Variants in BCAP31 observed in about 807,000 individuals in gnomAD.
BCAP31 encodes the protein B cell receptor associated protein 31.
For synonymous variants in BCAP31, 75 were observed against 80.9 expected (o/e 0.93, Z 0.39); for missense variants, 124 against 193.0 (o/e 0.64, Z 2.12).
At position 153,715,680 on chromosome X, in the gene BCAP31, C is replaced by T; in HGVS notation, c.203G>A (p.Arg68His). The change falls in exon 4 of 8, where the codon CGC becomes CAC. Residue 68 changes from arginine to histidine, a missense_variant. Physicochemically the swap from Arg to His is conservative, Grantham distance 29. Transcript: ENST00000345046. ...ILVLLVIDAVREIRKYDDVTE... is the reference protein window; with the variant it reads ...ILVLLVIDAVHEIRKYDDVTE... ...CACATCATCATACTTCCGAATTTCG[C>T]GCACGGCATCTGTGGTGGAGCAGAG... The T allele has an allele frequency of 8.3e-7, 1 of 1,211,459 alleles. No individual in the cohort carries two copies. The highest frequency in any genetic ancestry group is 1.1e-6 in the Non-Finnish European group (1 of 895,275).
chrX:153,704,053 G>A lies in BCAP31; in HGVS notation c.383C>T (p.Thr128Met), dbSNP rs111450526. ...AAAGGCTTCATTGGAGGCCAGCAGC[G>A]TGGCCTGCTGCGAAATGAGAGTCAC... ...RLVTLISQQA[T>M]LLASNEAFKK... is the part of the protein sequence containing the mutation. Residue 128 changes from threonine to methionine, a missense_variant, in exon 5 of 8, where the codon ACG becomes ATG. Coordinates refer to ENST00000345046, the MANE Select transcript of BCAP31 (RefSeq NM_001256447.2). The A allele has an allele frequency of 1.8e-3, 2,200 of 1,209,172 alleles. 1 individual carries two copies. Among genetic ancestry groups the A allele is most frequent in the Non-Finnish European group, 2.3e-3 (2,027 of 894,382 alleles).
At chrX:153,703,165 GCC>G (rs2091530493) in intron 5 of BCAP31, 107 bp from the exon 6 acceptor site, 16 of 1,059,844 alleles carry the variant, frequency 1.5e-5, no homozygotes, top group Middle Eastern at 3.7e-4. Context: ...CTGGCCACAC[GCC>G]CCTTCGGAAA....
rs782377811 is a variant in BCAP31, at chrX:153,703,164, C to T, written c.478-106G>A. Reference sequence around the variant, plus strand: ...GGTTCCTCAAGCTGCCCTGGCCACACGCCCCTTCGGAAATGTCAACGCGGA... The same window carrying T: ...GGTTCCTCAAGCTGCCCTGGCCACATGCCCCTTCGGAAATGTCAACGCGGA... On this transcript the variant is annotated intron_variant, in intron 5 of 7. Transcript: ENST00000345046. 1,714 of 1,067,049 alleles carry T rather than the reference C, an allele frequency of 1.6e-3. 1 individual carries two copies. Among genetic ancestry groups the T allele is most frequent in the Non-Finnish European group, 2.0e-3 (1,597 of 789,004 alleles). The allele number at this position is 1,067,049 out of a possible 1,213,427, so 87.9% of individuals were successfully genotyped here.
At chrX:153,704,118 G>A (rs1213190502) in intron 4 of BCAP31, 24 bp from the exon 5 acceptor site, 143 of 1,196,693 alleles carry the variant, frequency 1.2e-4, no homozygotes, top group Non-Finnish European at 1.6e-4. Context: ...CAAAAAGAAG[G>A]GAGAAGTGAG....
In BCAP31 at chrX:153,715,348, C is replaced by A. The variant is rs782737902; in HGVS notation, c.341+194G>T. 20 of 550,140 alleles carry A rather than the reference C, an allele frequency of 3.6e-5. No homozygotes were observed. The African/African-American group carries it at 4.7e-4, about 13-fold the overall frequency. The allele number at this position is 550,140 out of a possible 1,213,427, so 45.3% of individuals were successfully genotyped here. On this transcript the variant is annotated intron_variant, in intron 4 of 7. Coordinates refer to ENST00000345046, the MANE Select transcript of BCAP31 (RefSeq NM_001256447.2). ...TTCTGATATTTCAGGCAGCCCTCTC[C>A]TACTCTCCACGCTGCCTCTGGAGGT...
At position 153,700,741 on chromosome X, in the gene BCAP31, G is replaced by A. The variant is rs1388486872; in HGVS notation, c.*196C>T. ...GGATGACAGCAAACGCATTCTGAAC[G>A]TGTAGCAATCAGGTCCCCTGTAATG... On this transcript the variant is annotated 3_prime_UTR_variant, in exon 8 of 8. Transcript: ENST00000345046. 4 of 409,686 alleles carry A rather than the reference G, an allele frequency of 9.8e-6. No homozygotes were observed. Among genetic ancestry groups the A allele is most frequent in the South Asian group, 4.6e-5 (1 of 21,826 alleles). The allele number at this position is 409,686 out of a possible 1,213,427, so 33.8% of individuals were successfully genotyped here.
At chrX:153,701,863 C>T (rs1423064693) in intron 7 of BCAP31, 144 bp downstream of exon 7, 3 of 514,818 alleles carry the variant, frequency 5.8e-6, no homozygotes, top group African/African-American at 2.4e-5. Flanking sequence ...AAGGGTCCCA[C>T]TCAGTAGGGC....
intron 4 of BCAP31, 122 bp downstream of exon 4, chrX:153,715,420 T>C: frequency 9.8e-7 from 1 of 1,020,349 alleles, no homozygotes; most frequent in East Asian, 3.1e-5. Flanking sequence ...GGCTTTGGGA[T>C]CCAGGCCACA....
chrX:153,707,631 C>G (rs1220413814), intron 4 of BCAP31, among the ~76,000 whole-genome samples: 1 of 112,074 alleles, frequency 8.9e-6, no homozygotes, highest in Non-Finnish European at 1.9e-5. Flanking sequence ...CGTCTCAGAC[C>G]CGTTCTGATG....
intron 4 of BCAP31, chrX:153,715,306 T>A (rs782101091): frequency 2.4e-6 from 1 of 418,680 alleles, no homozygotes; most frequent in African/African-American, 2.5e-5. Flanking sequence ...CCTGAGAGTA[T>A]GTGGTGTGTG....
At chrX:153,703,102 G>A (rs2091529917) in intron 5 of BCAP31, 44 bp from the exon 6 acceptor site, 1 of 1,202,109 alleles carries the variant, frequency 8.3e-7, no homozygotes, top group Non-Finnish European at 1.1e-6. Context: ...GAGGGAGGGA[G>A]GGAGAGGTTC....
chrX:153,722,818 G>A (rs1557051356), intron 2 of BCAP31, among the ~76,000 whole-genome samples: 1 of 110,626 alleles, frequency 9.0e-6, no homozygotes, highest in Non-Finnish European at 1.9e-5. Flanking sequence ...CAAGTCTTCC[G>A]AATCCCACGC....
At position 153,723,275 on chromosome X, in the gene BCAP31, T is replaced by C; in HGVS notation, c.-31A>G. 8.3e-7 allele frequency: 1 copy of C among 1,200,971 alleles called. No homozygotes were observed. Among genetic ancestry groups the C allele is most frequent in the Non-Finnish European group, 1.1e-6 (1 of 889,718 alleles). Reference sequence around the variant, plus strand: ...TGCTAGAAGGTTTCCCACAGGAAGATGTGAGCTTGTTTCCTGGCAGGGCAC... The same window carrying C: ...TGCTAGAAGGTTTCCCACAGGAAGACGTGAGCTTGTTTCCTGGCAGGGCAC... On this transcript the variant is annotated 5_prime_UTR_variant, in exon 2 of 8. Coordinates refer to ENST00000345046, the MANE Select transcript of BCAP31 (RefSeq NM_001256447.2).
chrX:153,714,691 C>T (rs1457106777), intron 4 of BCAP31, among the ~76,000 whole-genome samples: 1 of 111,152 alleles, frequency 9.0e-6, no homozygotes, highest in Non-Finnish European at 1.9e-5. Flanking sequence ...AATAACTGTC[C>T]ATGAGCCTGA....
intron 3 of BCAP31, among the ~76,000 whole-genome samples, chrX:153,720,238 T>C: frequency 9.0e-6 from 1 of 111,718 alleles, no homozygotes; most frequent in Admixed American, 9.5e-5. Context: ...TAGAGTGACC[T>C]GAGGAGCAGC....
intron 2 of BCAP31, among the ~76,000 whole-genome samples, chrX:153,722,616 G>A (rs1175343898): frequency 6.2e-5 from 7 of 112,182 alleles, no homozygotes; most frequent in Non-Finnish European, 1.1e-4. Flanking sequence ...TTTAAATAGG[G>A]ATGTGTTCAG....
intron 3 of BCAP31, among the ~76,000 whole-genome samples, chrX:153,719,983 C>A (rs1043822964): frequency 9.0e-6 from 1 of 111,699 alleles, no homozygotes; most frequent in Non-Finnish European, 1.9e-5. Flanking sequence ...GCTGGAACGA[C>A]CTGGGAAAAC....
intron 2 of BCAP31, among the ~76,000 whole-genome samples, chrX:153,721,979 T>C (rs1197102630): frequency 8.9e-6 from 1 of 111,918 alleles, no homozygotes; most frequent in Non-Finnish European, 1.9e-5. Flanking sequence ...GGAAACTTAC[T>C]TTTCATTGTA....
chrX:153,710,396 T>A (rs1418654579), intron 4 of BCAP31, among the ~76,000 whole-genome samples: 1 of 111,688 alleles, frequency 9.0e-6, no homozygotes, highest in African/African-American at 3.3e-5. Flanking sequence ...CTCTGCAGGC[T>A]GAAGACTTCT....
Sources: gnomAD v4.1 joint callset for allele counts (sites outside exome capture counted in the v4.1 genomes callset) on GRCh38, gnomAD v4.1.1 for gene constraint, MANE v1.5 for transcripts, NCBI Gene and HGNC (gene_info 2026-07-23, HGNC 2026-07-21) for gene names.